The following OR2L2 variants were observed in gnomAD, a reference collection of about 807,000 sequenced individuals.
OR2L2 encodes the protein olfactory receptor 2L2.
For synonymous variants in OR2L2, 156 were observed against 135.4 expected (o/e 1.15, Z -1.06); for missense variants, 378 against 375.2 (o/e 1.01, Z -0.06).
At chr1:248,031,838 A>G (rs1662629567) in intron 1 of OR2L2, among the ~76,000 whole-genome samples, 1 of 152,122 alleles carries the variant, frequency 6.6e-6, no homozygotes, top group Non-Finnish European at 1.5e-5. Flanking sequence ...TTCTTTTTTA[A>G]AAATAGGGTA....
intron 1 of OR2L2, among the ~76,000 whole-genome samples, chr1:248,035,224 G>A (rs1486469958): frequency 1.3e-5 from 2 of 152,022 alleles, no homozygotes; most frequent in African/African-American, 4.8e-5. Context: ...GCCGAGATGG[G>A]CGGATCACGA....
intron 1 of OR2L2, among the ~76,000 whole-genome samples, chr1:248,033,023 A>G (rs964720587): frequency 1.3e-5 from 2 of 152,204 alleles, no homozygotes; most frequent in Admixed American, 6.5e-5. Context: ...TGGAATTACA[A>G]TGGTTTGACT....
At chr1:248,035,015 T>C (rs1463075365) in intron 1 of OR2L2, among the ~76,000 whole-genome samples, 3 of 152,208 alleles carry the variant, frequency 2.0e-5, no homozygotes, top group Non-Finnish European at 2.9e-5. Flanking sequence ...ATTTCACTTC[T>C]TTCTTTTGAA....
Position 248,038,742 on chromosome 1 carries a change from AC to A in OR2L2, c.476del (p.Thr159LysfsTer26). The A allele has an allele frequency of 6.2e-7, 1 of 1,614,164 alleles. No homozygotes were observed. The highest frequency in any genetic ancestry group is 8.5e-7 in the Non-Finnish European group (1 of 1,180,022). ...MISSINSCAHTVYALCIPYCK... is the reference protein window; with the variant it reads ...MISSINSCAHXVYALCIPYCK... The stretch of plus-strand genomic sequence containing the variant: ...AAGCTCTATCAACTCTTGTGCTCAC[AC>A]AGTATATGCACTCTGTATCCCATAT... On this transcript the variant is annotated frameshift_variant, in exon 3 of 3. Coordinates refer to ENST00000641771, the MANE Select transcript of OR2L2 (RefSeq NM_001385855.1). LOFTEE classifies it low-confidence loss of function (END_TRUNC).
chr1:248,037,913 T>A (rs1662809729), intron 2 of OR2L2, among the ~76,000 whole-genome samples: 1 of 152,252 alleles, frequency 6.6e-6, no homozygotes, highest in African/African-American at 2.4e-5. Flanking sequence ...GTAGACATTT[T>A]GATTTCCCAT....
chr1:248,032,321 A>G (rs1046643361), intron 1 of OR2L2, among the ~76,000 whole-genome samples: 2 of 152,166 alleles, frequency 1.3e-5, no homozygotes, highest in African/African-American at 4.8e-5. Context: ...TATTTCATAC[A>G]TGAGATAATA....
chr1:248,038,883 C>T lies in OR2L2; in HGVS notation c.616C>T (p.Leu206Phe), dbSNP rs964937794. The T allele has an allele frequency of 6.2e-7, 1 of 1,614,188 alleles. No individual in the cohort carries two copies. The highest frequency in any genetic ancestry group is 1.1e-5 in the South Asian group (1 of 91,086). ...AGTGTTTTTGAGCAGCACCATCTTTCTTGTGCTTCCTTTCACTGGTATTGC... is the reference window on the plus strand; with the variant it reads ...AGTGTTTTTGAGCAGCACCATCTTTTTTGTGCTTCCTTTCACTGGTATTGC... The part of the protein sequence containing the change: ...STVFLSSTIF[L>F]VLPFTGIACS... The change falls in exon 3 of 3, where the codon CTT becomes TTT. Residue 206 changes from leucine to phenylalanine, a missense_variant. Leu to Phe is a conservative substitution (Grantham distance 22). Transcript: ENST00000641771.
chr1:248,033,365 G>C (rs1185086225), intron 1 of OR2L2, among the ~76,000 whole-genome samples: 1 of 152,148 alleles, frequency 6.6e-6, no homozygotes, highest in Middle Eastern at 3.4e-3. Flanking sequence ...AACTTGGTTT[G>C]CTTGCCAAAA....
intron 1 of OR2L2, among the ~76,000 whole-genome samples, chr1:248,031,023 G>T (rs1662605990): frequency 6.6e-6 from 1 of 152,178 alleles, no homozygotes; most frequent in South Asian, 2.1e-4. Flanking sequence ...TTACAAAAAT[G>T]AAAGCAAGTA....
In OR2L2 at chr1:248,032,645, T is replaced by C. The variant is rs115259948; in HGVS notation, c.-97+2410T>C. Among the ~76,000 whole-genome samples, 1,302 of 152,326 alleles carry C rather than the reference T, an allele frequency of 8.5e-3. 10 individuals carry two copies. Among genetic ancestry groups the C allele is most frequent in the African/African-American group, 0.029 (1,224 of 41,574 alleles). On this transcript the variant is annotated intron_variant, in intron 1 of 2. Transcript: ENST00000641771. The stretch of plus-strand genomic sequence containing the variant: ...CTGGCTTATTTTGCTTAGCATAATG[T>C]AATCAAGTTTCATCTATGTTGTAGC...
intron 1 of OR2L2, among the ~76,000 whole-genome samples, chr1:248,031,751 A>C (rs1384996219): frequency 6.6e-6 from 1 of 152,136 alleles, no homozygotes; most frequent in Non-Finnish European, 1.5e-5. Context: ...TCTGGTGGAG[A>C]GTGTAAAGGA....
intron 1 of OR2L2, among the ~76,000 whole-genome samples, chr1:248,035,314 T>G (rs1181322975): frequency 6.6e-6 from 1 of 152,030 alleles, no homozygotes; most frequent in African/African-American, 2.4e-5. Flanking sequence ...GCCAGCTTGG[T>G]GGCAGGTGCC....
In OR2L2 at chr1:248,039,422, T is replaced by C. The variant is rs931879405; in HGVS notation, c.*216T>C. On this transcript the variant is annotated 3_prime_UTR_variant, in exon 3 of 3. Transcript: ENST00000641771. ...TTGTTTGTGTGTGGTTTTTGTTTGT[T>C]TGTTTGTTTGTCTTTTTAATGGATT... 2 of 393,228 alleles carry C rather than the reference T, an allele frequency of 5.1e-6. No individual in the cohort carries two copies. Among genetic ancestry groups the C allele is most frequent in the African/African-American group, 4.2e-5 (2 of 48,076 alleles). The allele number at this position is 393,228 out of a possible 1,614,324, so 24.4% of individuals were successfully genotyped here. A position where few individuals can be genotyped will look rare whatever the true frequency, so the allele number is the denominator to read the frequency against.
chr1:248,035,882 G>T (rs1662745854), intron 2 of OR2L2, among the ~76,000 whole-genome samples: 1 of 151,888 alleles, frequency 6.6e-6, no homozygotes, highest in Admixed American at 6.6e-5. Flanking sequence ...CTCCTCTTAT[G>T]AAATTTATTG....
chr1:248,038,999 C>G lies in OR2L2; in HGVS notation c.732C>G (p.Leu244=). ...CCTATTCAACCTGTAGCACCCACCT[C>G]ACTGTAGTGTCCTTCTACTATGCAC... ...KKAYSTCSTH[L]TVVSFYYAPF... The change falls in exon 3 of 3, where the codon CTC becomes CTG. Residue 244 remains leucine, a synonymous_variant. Coordinates refer to ENST00000641771, the MANE Select transcript of OR2L2 (RefSeq NM_001385855.1). The G allele has an allele frequency of 6.2e-7, 1 of 1,614,156 alleles. No individual in the cohort carries two copies. The highest frequency in any genetic ancestry group is 8.5e-7 in the Non-Finnish European group (1 of 1,180,008).
At chr1:248,037,674 C>T (rs1343858098) in intron 2 of OR2L2, among the ~76,000 whole-genome samples, 3 of 152,124 alleles carry the variant, frequency 2.0e-5, no homozygotes, top group Non-Finnish European at 2.9e-5. Flanking sequence ...TAATTCACAG[C>T]CTTACTAAAC....
At chr1:248,036,982 A>G (rs1662780485) in intron 2 of OR2L2, among the ~76,000 whole-genome samples, 1 of 152,176 alleles carries the variant, frequency 6.6e-6, no homozygotes, top group South Asian at 2.1e-4. Flanking sequence ...TACATCGTAT[A>G]CGGGGAGAGC....
chr1:248,038,186 TG>T, intron 2 of OR2L2, 60 bp from the exon 3 acceptor site: 1 of 990,802 alleles, frequency 1.0e-6, no homozygotes, highest in Non-Finnish European at 1.5e-6. Context: ...AGTCTTGTAA[TG>T]CAGCCACTGT....
At chr1:248,031,752 G>A (rs970881676) in intron 1 of OR2L2, among the ~76,000 whole-genome samples, 8 of 152,172 alleles carry the variant, frequency 5.3e-5, no homozygotes, top group African/African-American at 9.7e-5. Flanking sequence ...CTGGTGGAGA[G>A]TGTAAAGGAT....
Sources: gnomAD v4.1 joint callset for allele counts (sites outside exome capture counted in the v4.1 genomes callset) on GRCh38, gnomAD v4.1.1 for gene constraint, MANE v1.5 for transcripts, NCBI Gene and HGNC (gene_info 2026-07-23, HGNC 2026-07-21) for gene names.